Variants in MB21D2 observed in about 807,000 individuals in gnomAD.
The protein encoded by MB21D2 is nucleotidyltransferase MB21D2.
A neutral mutation model predicts 33.3 loss-of-function variants in MB21D2; 9 were observed. The observed-to-expected ratio is 0.27, with a 90% confidence interval of 0.16 to 0.47. MB21D2 has a LOEUF of 0.47. Among genes scored for constraint, MB21D2 ranks in the 20% least tolerant of loss-of-function variants. The pLI is 0.99. For synonymous variants in MB21D2, 241 were observed against 236.3 expected, an observed-to-expected ratio of 1.02 and a Z score of -0.18; for missense variants, 540 against 624.6, an observed-to-expected ratio of 0.86 and a Z score of 1.44.
intron 1 of MB21D2, among the ~76,000 whole-genome samples, chr3:192,902,676 T>A (rs1714127763): frequency 6.6e-6 from 1 of 152,158 alleles, no homozygotes; most frequent in Non-Finnish European, 1.5e-5. Flanking sequence ...TTAACTCCTC[T>A]CTAATTCTTT....
chr3:192,841,000 G>A (rs892582645), intron 1 of MB21D2, among the ~76,000 whole-genome samples: 6 of 152,192 alleles, frequency 3.9e-5, no homozygotes, highest in Non-Finnish European at 7.4e-5. Flanking sequence ...TAGATTTAAA[G>A]ACCTAGGAGT....
At chr3:192,913,708 T>G (rs1467659264) in intron 1 of MB21D2, among the ~76,000 whole-genome samples, 1 of 152,042 alleles carries the variant, frequency 6.6e-6, no homozygotes, top group Admixed American at 6.5e-5. Context: ...GGTACACATC[T>G]CTAGTCCTAG....
chr3:192,820,707 A>G (rs1272037679), intron 1 of MB21D2, among the ~76,000 whole-genome samples: 2 of 152,226 alleles, frequency 1.3e-5, no homozygotes, highest in Non-Finnish European at 2.9e-5. Context: ...TCGTTCAGCC[A>G]GCATCTGGAG....
chr3:192,806,036 C>G (rs1711653335), intron 1 of MB21D2, among the ~76,000 whole-genome samples: 1 of 152,224 alleles, frequency 6.6e-6, no homozygotes, highest in Admixed American at 6.5e-5. Context: ...TGCTGCTAGT[C>G]AAGGCTGCTT....
At chr3:192,890,137 A>G in intron 1 of MB21D2, among the ~76,000 whole-genome samples, 1 of 152,080 alleles carries the variant, frequency 6.6e-6, no homozygotes, top group East Asian at 1.9e-4. Flanking sequence ...TTCTGGAAAA[A>G]TATCTCCTTG....
intron 1 of MB21D2, among the ~76,000 whole-genome samples, chr3:192,849,688 T>C (rs1712757522): frequency 6.6e-6 from 1 of 152,208 alleles, no homozygotes; most frequent in African/African-American, 2.4e-5. Flanking sequence ...TCAACCTTTT[T>C]TCATGACACT....
chr3:192,866,926 A>G (rs1313860041), intron 1 of MB21D2, among the ~76,000 whole-genome samples: 3 of 152,148 alleles, frequency 2.0e-5, no homozygotes, highest in Non-Finnish European at 4.4e-5. Context: ...CATGAGGAAA[A>G]GAATGTAAAT....
chr3:192,885,930 G>A (rs924477854), intron 1 of MB21D2, among the ~76,000 whole-genome samples: 4 of 151,868 alleles, frequency 2.6e-5, no homozygotes, highest in Admixed American at 6.6e-5. Context: ...TTTTCCTTAC[G>A]TCTTTAAACC....
In MB21D2 at chr3:192,848,877, T is replaced by C. The variant is rs374563970; in HGVS notation, c.212-49227A>G. 1.5e-4 allele frequency among the ~76,000 whole-genome samples: 23 copies of C among 152,284 alleles called. 1 individual carries two copies. In the South Asian group the frequency reaches 4.8e-3, roughly 32 times the overall value. ...AGCTTCCACTATGGAAAGTGCTCGCTTCCCCTTGGGGTTCTGATGGACCGA... is the reference window on the plus strand; with the variant it reads ...AGCTTCCACTATGGAAAGTGCTCGCCTCCCCTTGGGGTTCTGATGGACCGA... On this transcript the variant is annotated intron_variant, in intron 1 of 1. Transcript: ENST00000392452.
chr3:192,899,754 T>C (rs956515940), intron 1 of MB21D2, among the ~76,000 whole-genome samples: 2 of 147,486 alleles, frequency 1.4e-5, no homozygotes, highest in African/African-American at 5.0e-5. Flanking sequence ...ACAGGCCTCA[T>C]TTCCTCTTCA....
intron 1 of MB21D2, among the ~76,000 whole-genome samples, chr3:192,807,306 C>G (rs1465309495): frequency 6.9e-6 from 1 of 145,618 alleles, no homozygotes; most frequent in African/African-American, 2.6e-5. Context: ...GGACAGTGTT[C>G]ACTTCTGAAG....
chr3:192,806,422 T>C (rs1711661799), intron 1 of MB21D2, among the ~76,000 whole-genome samples: 1 of 152,212 alleles, frequency 6.6e-6, no homozygotes, highest in Admixed American at 6.5e-5. Flanking sequence ...ATTTTCAATC[T>C]GTATTTGATT....
At chr3:192,870,114 T>G (rs1713258797) in intron 1 of MB21D2, among the ~76,000 whole-genome samples, 1 of 152,146 alleles carries the variant, frequency 6.6e-6, no homozygotes, top group Non-Finnish European at 1.5e-5. Context: ...CACGACTGCT[T>G]AGACACACAA....
rs1462037060 is a variant in MB21D2 at position 192,913,804 on chromosome 3, G to A, written c.211+3826C>T. Among the ~76,000 whole-genome samples the A allele has an allele frequency of 3.3e-5, 5 of 152,058 alleles. No individual in the cohort carries two copies. In the East Asian group the frequency reaches 9.7e-4, roughly 29 times the overall value. ...CCATGATCATACTATTGCACTCCAG[G>A]CTGGGCAACGGAGCAAGATCCTGTC... is the stretch of plus-strand genomic sequence containing the variant. On this transcript the variant is annotated intron_variant, in intron 1 of 1. Coordinates refer to ENST00000392452, the MANE Select transcript of MB21D2 (RefSeq NM_178496.4).
At chr3:192,830,241 AGTGTGTGT>A (rs34472117) in intron 1 of MB21D2, among the ~76,000 whole-genome samples, 49,230 of 146,368 alleles carry the variant, frequency 0.34, 8,435 homozygotes, top group East Asian at 0.59. Context: ...AGTGTGTGTG[AGTGTGTGT>A]GTGTGTGTGT....
At chr3:192,858,125 CA>C (rs930503725) in intron 1 of MB21D2, among the ~76,000 whole-genome samples, 2 of 151,976 alleles carry the variant, frequency 1.3e-5, no homozygotes, top group Non-Finnish European at 2.9e-5. Flanking sequence ...AACTCTGTCT[CA>C]AAAAACAAAA....
intron 1 of MB21D2, among the ~76,000 whole-genome samples, chr3:192,804,535 T>G (rs578005184): frequency 6.6e-6 from 1 of 152,038 alleles, no homozygotes; most frequent in East Asian, 1.9e-4. Context: ...AGTTACAAAA[T>G]TAGATAAATT....
At chr3:192,832,320 A>C (rs573097318) in intron 1 of MB21D2, among the ~76,000 whole-genome samples, 1 of 152,366 alleles carries the variant, frequency 6.6e-6, no homozygotes, top group East Asian at 1.9e-4. Flanking sequence ...TGCCTTAGTT[A>C]CATCTCCTCC....
At chr3:192,911,824 T>C (rs1714364060) in intron 1 of MB21D2, among the ~76,000 whole-genome samples, 1 of 152,200 alleles carries the variant, frequency 6.6e-6, no homozygotes, top group African/African-American at 2.4e-5. Context: ...AGAGATCCCC[T>C]GCCCTGGATA....
Sources: allele counts gnomAD v4.1 joint callset (sites outside exome capture counted in the v4.1 genomes callset), GRCh38; gene constraint gnomAD v4.1.1; transcripts MANE v1.5; gene names NCBI Gene and HGNC (gene_info 2026-07-23, HGNC 2026-07-21).